The following ACTN1 variants were observed in gnomAD, a reference collection of about 807,000 sequenced individuals.
ACTN1 encodes alpha-actinin-1.
In ACTN1, 30 loss-of-function variants were observed where a neutral mutation model predicts 119.6. The observed-to-expected ratio is 0.25, with a 90% CI of 0.19 to 0.34. The LOEUF (loss-of-function observed/expected upper bound fraction) is 0.34, where lower values mean the gene tolerates loss of function less well. Among genes scored for constraint, ACTN1 ranks in the 10% least tolerant of loss-of-function variants. The pLI, the probability that ACTN1 is intolerant of heterozygous loss-of-function variation, is 1.00. For missense variants in ACTN1, 764 were observed against 1,223.4 expected, an observed-to-expected ratio of 0.62 and a Z score of 5.60; for synonymous variants, 429 against 472.6, an observed-to-expected ratio of 0.91 and a Z score of 1.20.
Position 68,885,443 on chromosome 14 carries a change from G to A in ACTN1, c.1367C>T (p.Ala456Val). Residue 456 changes from alanine (A) to valine (V), a missense_variant, in exon 12 of 22, where the codon GCC (alanine) becomes GTC (valine). This residue lies in a region of ACTN1 where 544 missense variants were observed against 912.0 expected (regional missense o/e 0.60). Coordinates refer to ENST00000394419, the MANE Select transcript of ACTN1 (RefSeq NM_001130004.2). This position sits in a 1 kb window ranked among gnomAD's most constrained non-coding sequence, Gnocchi z 5.6. ...AHQDRVEQIA[A>V]IAQELNELDY... ...CACCTACTTGAGCTCCTGTGCGATG[G>A]CGGCAATCTGCTCCACACGGTCCTG... 1.2e-6 allele frequency: 2 copies of A among 1,612,682 alleles called. No homozygotes were observed. The highest frequency in any genetic ancestry group is 1.7e-6 in the Non-Finnish European group (2 of 1,179,066).
intron 8 of ACTN1, chr14:68,900,733 T>C (rs1206405881): frequency 6.6e-6 from 1 of 152,204 alleles, no homozygotes; most frequent in Non-Finnish European, 1.5e-5. Context: ...CAGAGTCCTG[T>C]TCCCCTGCAG....
intron 1 of ACTN1, among the ~76,000 whole-genome samples, chr14:68,970,839 C>T (rs2036860533): frequency 6.6e-6 from 1 of 152,226 alleles, no homozygotes; most frequent in Non-Finnish European, 1.5e-5. Flanking sequence ...CACAGACCCT[C>T]CCGTCAAAGA....
At chr14:68,976,904 C>CTGGG (rs905405403) in intron 1 of ACTN1, among the ~76,000 whole-genome samples, 4 of 152,242 alleles carry the variant, frequency 2.6e-5, no homozygotes, top group African/African-American at 7.2e-5. Flanking sequence ...GCCCAAAGGC[C>CTGGG]TGGGGCACAC....
intron 4 of ACTN1, among the ~76,000 whole-genome samples, chr14:68,910,778 C>T (rs1458120803): frequency 6.6e-6 from 1 of 152,156 alleles, no homozygotes; most frequent in Non-Finnish European, 1.5e-5. Context: ...GTGGTTTCCC[C>T]CATACTGTTC....
At chr14:68,962,692 CT>C (rs1268982485) in intron 1 of ACTN1, among the ~76,000 whole-genome samples, 3 of 152,350 alleles carry the variant, frequency 2.0e-5, no homozygotes, top group South Asian at 2.1e-4. Context: ...TCACCAAGTC[CT>C]ACTTCTCCCC....
intron 8 of ACTN1, among the ~76,000 whole-genome samples, chr14:68,899,512 C>CAT (rs1328560520): frequency 6.6e-6 from 1 of 151,234 alleles, no homozygotes; most frequent in Non-Finnish European, 1.5e-5. Flanking sequence ...CCACCACATC[C>CAT]ATACCATACA....
chr14:68,938,003 G>C (rs2035605198), intron 1 of ACTN1, among the ~76,000 whole-genome samples: 1 of 152,236 alleles, frequency 6.6e-6, no homozygotes, highest in Non-Finnish European at 1.5e-5. Context: ...ATACAAGTAT[G>C]GCCAGTCTGG....
At chr14:68,946,284 G>A (rs577332170) in intron 1 of ACTN1, among the ~76,000 whole-genome samples, 5 of 152,304 alleles carry the variant, frequency 3.3e-5, no homozygotes, top group Non-Finnish European at 7.3e-5. Flanking sequence ...AAACTGGAAA[G>A]GATGACATAG....
chr14:68,880,426 C>T lies in ACTN1; in HGVS notation c.2134-318G>A, dbSNP rs1566590389. Among the ~76,000 whole-genome samples the T allele has an allele frequency of 6.6e-6, 1 of 150,616 alleles. No individual in the cohort carries two copies. The highest frequency in any genetic ancestry group is 2.5e-5 in the African/African-American group (1 of 40,554). On this transcript the variant is annotated intron_variant, in intron 17 of 21. Coordinates refer to ENST00000394419, the MANE Select transcript of ACTN1 (RefSeq NM_001130004.2). The surrounding 1 kb of genome is among the most constrained non-coding windows in gnomAD (Gnocchi z 4.6). ...TGAGACAAAAAAATGTGTGATTCCC[C>T]GAACCTCCAACCCCACAGCCACGCG...
chr14:68,931,260 G>A (rs1232986906), intron 1 of ACTN1, among the ~76,000 whole-genome samples: 2 of 152,266 alleles, frequency 1.3e-5, no homozygotes, highest in African/African-American at 4.8e-5. Flanking sequence ...GGCACAGAGA[G>A]TCTGAGTTGA....
intron 1 of ACTN1, 26 bp downstream of exon 1, chr14:68,978,926 T>C: frequency 6.8e-7 from 1 of 1,479,528 alleles, no homozygotes. Flanking sequence ...GGCTGGGGGC[T>C]GCAGCGGGCG....
rs1232009452 is a variant in ACTN1 at position 68,874,601 on chromosome 14, TTGTC to T, written c.*254_*257del. The T allele has an allele frequency of 2.9e-4, 97 of 335,068 alleles. No individual in the cohort carries two copies. The highest frequency in any genetic ancestry group is 2.8e-3 in the East Asian group (60 of 21,466). The allele number at this position is 335,068 out of a possible 1,614,324, so 20.8% of individuals were successfully genotyped here. The stretch of plus-strand genomic sequence containing the variant: ...GTTAATCTTTCCTCTTTTTTTCCAT[TTGTC>T]TGGTGGAGAAAAAATACTTTTTCTA... On this transcript the variant is annotated 3_prime_UTR_variant, in exon 22 of 22. Transcript: ENST00000394419.
intron 1 of ACTN1, among the ~76,000 whole-genome samples, chr14:68,957,094 G>A (rs1424181912): frequency 6.6e-6 from 1 of 152,090 alleles, no homozygotes; most frequent in East Asian, 1.9e-4. Flanking sequence ...TGGTTCCAAA[G>A]TTCTAATCAT....
intron 3 of ACTN1, among the ~76,000 whole-genome samples, chr14:68,915,296 C>G (rs1051783015): frequency 6.6e-6 from 1 of 151,772 alleles, no homozygotes; most frequent in South Asian, 2.1e-4. Context: ...CCCCGTCCCC[C>G]CTGCTCGGGC....
chr14:68,898,717 A>G (rs2033056252), intron 8 of ACTN1, among the ~76,000 whole-genome samples: 1 of 152,064 alleles, frequency 6.6e-6, no homozygotes, highest in African/African-American at 2.4e-5. Flanking sequence ...ACCCCTGACC[A>G]GGACATGAGA....
At position 68,971,196 on chromosome 14, in the gene ACTN1, T is replaced by C. The variant is rs1202770171; in HGVS notation, c.105+7756A>G. Among the ~76,000 whole-genome samples the C allele has an allele frequency of 3.3e-5, 5 of 152,378 alleles. No individual in the cohort carries two copies. The East Asian group carries it at 5.8e-4, about 18-fold the overall frequency. On this transcript the variant is annotated intron_variant, in intron 1 of 21. Transcript: ENST00000394419. Reference sequence around the variant, plus strand: ...ACCTCTCTGGGCTTCCATTTCCCTGTCTGTACCAAGAAAACTAACAGTCCC... The same window carrying C: ...ACCTCTCTGGGCTTCCATTTCCCTGCCTGTACCAAGAAAACTAACAGTCCC...
At position 68,949,201 on chromosome 14, in the gene ACTN1, G is replaced by A. The variant is rs146370567; in HGVS notation, c.106-23529C>T. ...GACAGGAAGAACTGGAGGCAGGGGT[G>A]GGGGAGGTCATAAGAAGAATGGGCC... On this transcript the variant is annotated intron_variant, in intron 1 of 21. Coordinates refer to ENST00000394419, the MANE Select transcript of ACTN1 (RefSeq NM_001130004.2). Among the ~76,000 whole-genome samples, 397 of 152,328 alleles carry A rather than the reference G, an allele frequency of 2.6e-3. 1 individual carries two copies. Among genetic ancestry groups the A allele is most frequent in the Middle Eastern group, 6.8e-3 (2 of 294 alleles).
At chr14:68,942,873 A>C (rs1456178530) in intron 1 of ACTN1, among the ~76,000 whole-genome samples, 1 of 152,138 alleles carries the variant, frequency 6.6e-6, no homozygotes, top group Non-Finnish European at 1.5e-5. Context: ...CAATCTGCAT[A>C]TCCATCACAG....
chr14:68,945,163 CAA>C (rs11408138), intron 1 of ACTN1, among the ~76,000 whole-genome samples: 10 of 120,060 alleles, frequency 8.3e-5, no homozygotes, highest in Admixed American at 1.7e-4. Flanking sequence ...GACTCCGGTT[CAA>C]AAAAAAAAAA....
Sources: allele counts gnomAD v4.1 joint callset (sites outside exome capture counted in the v4.1 genomes callset), GRCh38; gene constraint gnomAD v4.1.1; regional missense constraint gnomAD v4.1.1; non-coding constraint Gnocchi (gnomAD v3.1); transcripts MANE v1.5; gene names NCBI Gene and HGNC (gene_info 2026-07-23, HGNC 2026-07-21).